The following PPM1H variants were observed in gnomAD, a reference collection of about 807,000 sequenced individuals.
PPM1H encodes protein phosphatase, Mg2+/Mn2+ dependent 1H, also known as protein phosphatase 1H.
PPM1H carries 27 observed loss-of-function variants against 54.9 expected under a neutral mutation model. The observed-to-expected ratio is 0.49, with a 90% CI of 0.36 to 0.68. The LOEUF is 0.68. Among genes scored for constraint, PPM1H ranks in the 30% least tolerant of loss-of-function variants. PPM1H has a pLI of 0.00. For missense variants in PPM1H, 596 were observed against 667.8 expected (o/e 0.89, Z 1.19); for synonymous variants, 305 against 270.8 (o/e 1.13, Z -1.24).
chr12:62,757,692 C>T (rs2076484403), intron 4 of PPM1H, among the ~76,000 whole-genome samples: 1 of 152,214 alleles, frequency 6.6e-6, no homozygotes, highest in South Asian at 2.1e-4. Flanking sequence ...CCTACCATAA[C>T]ACCACTCCAG....
At chr12:62,849,934 T>C (rs967272081) in intron 1 of PPM1H, among the ~76,000 whole-genome samples, 1 of 152,148 alleles carries the variant, frequency 6.6e-6, no homozygotes, top group African/African-American at 2.4e-5. Flanking sequence ...TAAATAGCAA[T>C]TTACAGAGTA....
intron 3 of PPM1H, among the ~76,000 whole-genome samples, chr12:62,791,539 A>G (rs558542504): frequency 9.9e-5 from 15 of 152,212 alleles, no homozygotes; most frequent in Admixed American, 2.0e-4. Context: ...ATCAAAAGGA[A>G]CTGCTCAGCT....
chr12:62,690,653 A>G (rs1189695679), intron 7 of PPM1H, among the ~76,000 whole-genome samples: 4 of 152,242 alleles, frequency 2.6e-5, no homozygotes, highest in African/African-American at 9.6e-5. Context: ...GGGGACACAA[A>G]TGTCTAAGGC....
At chr12:62,674,911 C>G (rs1048706165) in intron 8 of PPM1H, among the ~76,000 whole-genome samples, 1 of 152,154 alleles carries the variant, frequency 6.6e-6, no homozygotes, top group South Asian at 2.1e-4. Flanking sequence ...TCCCCTGTCT[C>G]TGTTTGTGAA....
intron 4 of PPM1H, among the ~76,000 whole-genome samples, chr12:62,741,523 C>G (rs1456413913): frequency 6.6e-6 from 1 of 152,334 alleles, no homozygotes; most frequent in East Asian, 1.9e-4. Context: ...TAGCCTCACT[C>G]TTGCTACTCC....
chr12:62,789,285 A>G (rs2076690867), intron 3 of PPM1H, among the ~76,000 whole-genome samples: 1 of 152,186 alleles, frequency 6.6e-6, no homozygotes, highest in Admixed American at 6.5e-5. Context: ...GCACTGGGCC[A>G]CCATACCCAG....
intron 2 of PPM1H, among the ~76,000 whole-genome samples, chr12:62,822,746 G>A (rs1388489378): frequency 6.6e-6 from 1 of 152,154 alleles, no homozygotes; most frequent in African/African-American, 2.4e-5. Flanking sequence ...TTAAAGCAGT[G>A]TGTAGAGGGA....
At chr12:62,828,686 G>T (rs1868316436) in intron 2 of PPM1H, among the ~76,000 whole-genome samples, 1 of 152,156 alleles carries the variant, frequency 6.6e-6, no homozygotes, top group Non-Finnish European at 1.5e-5. Flanking sequence ...CATAGCAGGT[G>T]CTCAGTGATT....
intron 9 of PPM1H, among the ~76,000 whole-genome samples, chr12:62,652,715 T>C (rs867245371): frequency 1.3e-5 from 2 of 152,200 alleles, no homozygotes; most frequent in African/African-American, 2.4e-5. Flanking sequence ...AAAAGGACCT[T>C]AGAATGCCTT....
chr12:62,930,032 G>A lies in PPM1H; in HGVS notation c.245+4460C>T, dbSNP rs118013419. Among the ~76,000 whole-genome samples the A allele has an allele frequency of 5.8e-4, 89 of 152,278 alleles. No individual in the cohort carries two copies. In the East Asian group the frequency reaches 0.016, roughly 28 times the overall value. On this transcript the variant is annotated intron_variant, in intron 1 of 9. Coordinates refer to ENST00000228705, the MANE Select transcript of PPM1H (RefSeq NM_020700.2). ...AGTTAGAAGGGAAAAAGAAAGGCCA[G>A]GGGATTTCCGAGCTTTGGGGCAAGA...
At position 62,801,957 on chromosome 12, in the gene PPM1H, A is replaced by G. The variant is rs1392704387; in HGVS notation, c.615T>C (p.Thr205=). Residue 205 remains threonine, a synonymous_variant, in exon 3 of 10, where the codon ACT becomes ACC. Coordinates refer to ENST00000228705, the MANE Select transcript of PPM1H (RefSeq NM_020700.2). ...EPENTPANSR[T]LTRAASLRGG... The stretch of plus-strand genomic sequence containing the variant: ...CGCGCAGGGAGGCTGCCCGGGTCAG[A>G]GTCCGGCTGTTGGCGGGCGTGTTCT... 1 of 1,612,520 alleles carries G rather than the reference A, an allele frequency of 6.2e-7. No homozygotes were observed. The highest frequency in any genetic ancestry group is 8.5e-7 in the Non-Finnish European group (1 of 1,179,124).
chr12:62,774,837 A>C (rs1467913316), intron 4 of PPM1H, among the ~76,000 whole-genome samples: 1 of 152,178 alleles, frequency 6.6e-6, no homozygotes, highest in Non-Finnish European at 1.5e-5. Context: ...CACAAGCAAA[A>C]TCTCAGAAAC....
At chr12:62,923,613 G>A (rs1195972964) in intron 1 of PPM1H, among the ~76,000 whole-genome samples, 1 of 152,218 alleles carries the variant, frequency 6.6e-6, no homozygotes, top group Non-Finnish European at 1.5e-5. Context: ...CATCGGCCAA[G>A]CTGGTCTCGA....
intron 5 of PPM1H, among the ~76,000 whole-genome samples, chr12:62,722,820 T>A (rs2076271079): frequency 6.6e-6 from 1 of 152,110 alleles, no homozygotes; most frequent in Admixed American, 6.6e-5. Context: ...CAGAGTTGCG[T>A]TAAGTGTAAA....
chr12:62,706,272 T>C (rs927600564), intron 6 of PPM1H, among the ~76,000 whole-genome samples: 3 of 152,234 alleles, frequency 2.0e-5, no homozygotes, highest in Non-Finnish European at 2.9e-5. Context: ...GCTTATCTTG[T>C]AGCTTCCCAT....
At chr12:62,855,754 T>C (rs1228631719) in intron 1 of PPM1H, among the ~76,000 whole-genome samples, 3 of 152,244 alleles carry the variant, frequency 2.0e-5, no homozygotes, top group African/African-American at 7.2e-5. Flanking sequence ...ATTTTCATGC[T>C]TCTTTGCATG....
At chr12:62,901,543 A>C (rs1871163656) in intron 1 of PPM1H, among the ~76,000 whole-genome samples, 2 of 152,190 alleles carry the variant, frequency 1.3e-5, no homozygotes, top group Admixed American at 1.3e-4. Flanking sequence ...TTCTAAAATT[A>C]TATACGTCTT....
At chr12:62,785,435 C>T (rs997635794) in intron 4 of PPM1H, among the ~76,000 whole-genome samples, 1 of 152,206 alleles carries the variant, frequency 6.6e-6, no homozygotes, top group African/African-American at 2.4e-5. Flanking sequence ...CCTTGGCCTC[C>T]CAAAGTGCTG....
At chr12:62,672,643 G>A (rs1357220083) in intron 8 of PPM1H, among the ~76,000 whole-genome samples, 1 of 152,186 alleles carries the variant, frequency 6.6e-6, no homozygotes, top group African/African-American at 2.4e-5. Flanking sequence ...CTCCTTTAGG[G>A]ATAAGGTCCA....
Sources: allele counts gnomAD v4.1 joint callset (sites outside exome capture counted in the v4.1 genomes callset), GRCh38; gene constraint gnomAD v4.1.1; transcripts MANE v1.5; gene names NCBI Gene and HGNC (gene_info 2026-07-23, HGNC 2026-07-21).